Variants in ACOXL observed in about 807,000 individuals in gnomAD.
The protein encoded by ACOXL is acyl-coenzyme A oxidase-like protein.
ACOXL carries 70 observed loss-of-function variants against 71.9 expected under a neutral mutation model. That is an observed-to-expected ratio of 0.97 (90% CI 0.80 to 1.19). The LOEUF is 1.19. Ranked by LOEUF, ACOXL falls within the 50% of genes most tolerant of loss-of-function variation. The pLI is 0.00. For missense variants in ACOXL, 703 were observed against 736.3 expected (o/e 0.95, Z 0.52); for synonymous variants, 253 against 281.6 (o/e 0.90, Z 1.02).
At chr2:110,937,180 G>A (rs901344008) in intron 12 of ACOXL, among the ~76,000 whole-genome samples, 3 of 152,100 alleles carry the variant, frequency 2.0e-5, no homozygotes, top group East Asian at 1.9e-4. Flanking sequence ...CAGGGAGGGC[G>A]ATAAAAGCTG....
chr2:110,794,259 A>G (rs781034877), intron 5 of ACOXL, 85 bp downstream of exon 5: 1 of 1,325,862 alleles, frequency 7.5e-7, no homozygotes, highest in Middle Eastern at 1.9e-4. Flanking sequence ...GTCCAGCTTC[A>G]CACCCTCTGT....
At chr2:111,115,766 G>A (rs1574809202) in intron 17 of ACOXL, among the ~76,000 whole-genome samples, 1 of 152,312 alleles carries the variant, frequency 6.6e-6, no homozygotes, top group East Asian at 1.9e-4. Flanking sequence ...AAGAATCTTG[G>A]CAGTCAACTC....
intron 11 of ACOXL, among the ~76,000 whole-genome samples, chr2:110,919,938 G>C (rs1304538605): frequency 1.3e-5 from 2 of 152,138 alleles, no homozygotes; most frequent in Non-Finnish European, 1.5e-5. Context: ...CCATTGTATA[G>C]ATGTACCACA....
chr2:111,081,717 C>T (rs2067935091), intron 16 of ACOXL, among the ~76,000 whole-genome samples: 1 of 152,198 alleles, frequency 6.6e-6, no homozygotes. Flanking sequence ...ATAGCCAATA[C>T]AATCCTAAGC....
At chr2:110,960,794 C>T (rs899390681) in intron 12 of ACOXL, among the ~76,000 whole-genome samples, 18 of 151,952 alleles carry the variant, frequency 1.2e-4, no homozygotes, top group African/African-American at 4.3e-4. Flanking sequence ...GACACAGATG[C>T]ATAAACTGTT....
At chr2:110,774,738 A>G (rs560245687) in intron 2 of ACOXL, among the ~76,000 whole-genome samples, 12 of 152,384 alleles carry the variant, frequency 7.9e-5, no homozygotes, top group Admixed American at 7.2e-4. Context: ...TAAAATGTCA[A>G]TACTACTAAA....
chr2:111,102,235 G>C (rs1214738283), intron 17 of ACOXL, among the ~76,000 whole-genome samples: 2 of 152,180 alleles, frequency 1.3e-5, no homozygotes, highest in Non-Finnish European at 2.9e-5. Context: ...GACCATTCAA[G>C]TCAGGTTAAG....
chr2:110,814,633 T>C (rs949469442), intron 9 of ACOXL, among the ~76,000 whole-genome samples: 4 of 152,186 alleles, frequency 2.6e-5, no homozygotes, highest in African/African-American at 9.7e-5. Context: ...GTTATAACTT[T>C]ATGTATTATT....
chr2:110,854,217 G>T (rs59715011), intron 10 of ACOXL, among the ~76,000 whole-genome samples: 2 of 152,200 alleles, frequency 1.3e-5, no homozygotes, highest in Non-Finnish European at 2.9e-5. Context: ...AGGGGAAGAA[G>T]AGAGGGGGAA....
At chr2:110,863,596 C>T (rs534851108) in intron 10 of ACOXL, among the ~76,000 whole-genome samples, 29 of 152,214 alleles carry the variant, frequency 1.9e-4, no homozygotes, top group African/African-American at 7.0e-4. Flanking sequence ...CCTGAGCACC[C>T]CCCCCAACTG....
intron 12 of ACOXL, among the ~76,000 whole-genome samples, chr2:110,969,140 A>T (rs758326012): frequency 6.6e-6 from 1 of 152,214 alleles, no homozygotes; most frequent in Non-Finnish European, 1.5e-5. Flanking sequence ...TGAACACACA[A>T]CACATCAAAA....
intron 12 of ACOXL, among the ~76,000 whole-genome samples, chr2:110,936,955 C>G (rs2060687655): frequency 6.6e-6 from 1 of 151,798 alleles, no homozygotes; most frequent in Non-Finnish European, 1.5e-5. Flanking sequence ...TCAAGCAATT[C>G]TCCTCCCTCA....
chr2:110,943,027 AGAAG>A (rs2060932622), intron 12 of ACOXL, among the ~76,000 whole-genome samples: 1 of 143,934 alleles, frequency 6.9e-6, no homozygotes, highest in South Asian at 2.4e-4. Flanking sequence ...AAAGGAAGGA[AGAAG>A]GAAGGAAAGA....
At chr2:110,977,856 GAT>G (rs769299091) in intron 12 of ACOXL, among the ~76,000 whole-genome samples, 1 of 152,106 alleles carries the variant, frequency 6.6e-6, no homozygotes, top group Admixed American at 6.5e-5. Context: ...CATCTAAACA[GAT>G]ATAGTCTAAG....
intron 15 of ACOXL, among the ~76,000 whole-genome samples, chr2:111,035,394 C>G (rs1446253981): frequency 6.6e-6 from 1 of 152,142 alleles, no homozygotes; most frequent in East Asian, 1.9e-4. Flanking sequence ...ACATTTTTGT[C>G]TTGCCCTAGA....
chr2:111,076,275 A>C (rs933194627), intron 16 of ACOXL, among the ~76,000 whole-genome samples: 1 of 152,160 alleles, frequency 6.6e-6, no homozygotes, highest in Admixed American at 6.5e-5. Flanking sequence ...ATTTTAAAGC[A>C]TTGTGTGTGC....
At chr2:110,808,332 C>T (rs1686917010) in intron 9 of ACOXL, among the ~76,000 whole-genome samples, 1 of 152,118 alleles carries the variant, frequency 6.6e-6, no homozygotes, top group South Asian at 2.1e-4. Context: ...GTAGCTAGGT[C>T]CTACCCCCAG....
At chr2:110,767,938 AC>A (rs1681317201) in intron 1 of ACOXL, among the ~76,000 whole-genome samples, 1 of 125,752 alleles carries the variant, frequency 8.0e-6, no homozygotes, top group Non-Finnish European at 1.7e-5. Context: ...ACACACACAC[AC>A]ACACACACAC....
At chr2:110,859,975 C>A (rs1693746746) in intron 10 of ACOXL, among the ~76,000 whole-genome samples, 1 of 152,226 alleles carries the variant, frequency 6.6e-6, no homozygotes, top group Non-Finnish European at 1.5e-5. Context: ...CCGGTTCTCA[C>A]AACCTGCCTA....
Sources: gnomAD v4.1 joint callset for allele counts (sites outside exome capture counted in the v4.1 genomes callset) on GRCh38, gnomAD v4.1.1 for gene constraint, MANE v1.5 for transcripts, NCBI Gene and HGNC (gene_info 2026-07-23, HGNC 2026-07-21) for gene names.